The following ZNF704 variants were observed in gnomAD, a reference collection of about 807,000 sequenced individuals.
The protein encoded by ZNF704 is glucocorticoid induced gene 1.
In ZNF704, 10 loss-of-function variants were observed where a neutral mutation model predicts 44.7. The ratio of observed to expected loss-of-function variants is 0.22; its 90% confidence interval spans 0.14 to 0.38. The LOEUF (loss-of-function observed/expected upper bound fraction) is 0.38. Ranked by LOEUF, ZNF704 falls within the 10% of genes least tolerant of loss-of-function variation. The pLI is 1.00. For missense variants in ZNF704, 390 were observed against 545.5 expected (o/e 0.71, Z 2.84); for synonymous variants, 211 against 207.6 (o/e 1.02, Z -0.14).
chr8:80,687,041 C>G (rs543411541), intron 4 of ZNF704, among the ~76,000 whole-genome samples, 185 bp downstream of exon 4: 63 of 152,156 alleles, frequency 4.1e-4, no homozygotes, highest in Non-Finnish European at 8.7e-4. Flanking sequence ...CAGTATTTGT[C>G]ATTTTTAAAT....
intron 2 of ZNF704, among the ~76,000 whole-genome samples, chr8:80,806,082 C>T (rs1405158920): frequency 1.3e-5 from 2 of 152,154 alleles, no homozygotes; most frequent in East Asian, 3.9e-4. Flanking sequence ...ATCTCTTCTT[C>T]TCAAACAAGA....
chr8:80,880,157 C>G, the ZNF704 span, among the ~76,000 whole-genome samples: 1 of 152,204 alleles, frequency 6.6e-6, no homozygotes, highest in East Asian at 1.9e-4. Flanking sequence ...CCACAGGCAG[C>G]TCTGGCCACA....
intron 5 of ZNF704, among the ~76,000 whole-genome samples, chr8:80,669,421 C>G (rs922895285): frequency 2.0e-5 from 3 of 152,152 alleles, no homozygotes; most frequent in Non-Finnish European, 2.9e-5. Context: ...CAGGTCCTAT[C>G]TCCAGTGCTC....
At chr8:80,677,490 C>G (rs1440924802) in intron 4 of ZNF704, among the ~76,000 whole-genome samples, 1 of 152,208 alleles carries the variant, frequency 6.6e-6, no homozygotes, top group Admixed American at 6.5e-5. Flanking sequence ...TATCCTCTGT[C>G]AAGTCACTTG....
intron 1 of ZNF704, among the ~76,000 whole-genome samples, chr8:80,832,742 G>A (rs888098708): frequency 6.6e-6 from 1 of 151,800 alleles, no homozygotes; most frequent in Non-Finnish European, 1.5e-5. Context: ...CAAACAATAG[G>A]AGGCTAATAA....
At chr8:80,745,004 A>G (rs1367950363) in intron 2 of ZNF704, among the ~76,000 whole-genome samples, 1 of 152,230 alleles carries the variant, frequency 6.6e-6, no homozygotes, top group African/African-American at 2.4e-5. Context: ...TCTGTGGTCA[A>G]TAATTAAGAA....
At chr8:80,789,784 T>C (rs1045075927) in intron 2 of ZNF704, among the ~76,000 whole-genome samples, 1 of 148,404 alleles carries the variant, frequency 6.7e-6, no homozygotes, top group African/African-American at 2.6e-5. Flanking sequence ...AAATAACACA[T>C]GATTCAACTT....
chr8:80,718,241 G>A (rs1819101697), intron 2 of ZNF704, among the ~76,000 whole-genome samples: 1 of 152,022 alleles, frequency 6.6e-6, no homozygotes, highest in African/African-American at 2.4e-5. Context: ...TATCTCAAAT[G>A]CCATGTTCTC....
chr8:80,753,335 C>T (rs747893713), intron 2 of ZNF704, among the ~76,000 whole-genome samples: 13 of 152,116 alleles, frequency 8.5e-5, no homozygotes, highest in African/African-American at 1.2e-4. Context: ...AAGGAATATA[C>T]AGCACACACC....
chr8:80,844,379 T>C (rs1808732625), intron 1 of ZNF704, among the ~76,000 whole-genome samples: 1 of 152,150 alleles, frequency 6.6e-6, no homozygotes, highest in Non-Finnish European at 1.5e-5. Flanking sequence ...CCTCAGATGG[T>C]GGAAAGAGGG....
chr8:80,769,788 C>G (rs550816118), intron 2 of ZNF704, among the ~76,000 whole-genome samples: 2 of 152,142 alleles, frequency 1.3e-5, no homozygotes, highest in Admixed American at 6.6e-5. Flanking sequence ...GCCTGTTACC[C>G]GGGTCCAAAG....
intron 1 of ZNF704, among the ~76,000 whole-genome samples, chr8:80,852,007 A>G (rs1464261045): frequency 6.6e-6 from 1 of 152,192 alleles, no homozygotes; most frequent in Non-Finnish European, 1.5e-5. Flanking sequence ...TTAGCCATAC[A>G]AAGGGTGGAA....
chr8:80,768,119 G>A (rs2131727320), intron 2 of ZNF704, among the ~76,000 whole-genome samples: 1 of 152,260 alleles, frequency 6.6e-6, no homozygotes, highest in Non-Finnish European at 1.5e-5. Flanking sequence ...ATAGTGTGAG[G>A]AGAAAATACT....
At chr8:80,680,786 CTGAA>C (rs1420600220) in intron 4 of ZNF704, among the ~76,000 whole-genome samples, 1 of 152,058 alleles carries the variant, frequency 6.6e-6, no homozygotes, top group African/African-American at 2.4e-5. Context: ...GATGAGGGGA[CTGAA>C]TGAGAGTAGA....
At chr8:80,719,064 T>G (rs1164116686) in intron 2 of ZNF704, among the ~76,000 whole-genome samples, 1 of 152,080 alleles carries the variant, frequency 6.6e-6, no homozygotes, top group Non-Finnish European at 1.5e-5. Flanking sequence ...CCTCCCAGGC[T>G]CGATCAATTC....
At chr8:80,748,406 C>G (rs1218126889) in intron 2 of ZNF704, among the ~76,000 whole-genome samples, 1 of 152,162 alleles carries the variant, frequency 6.6e-6, no homozygotes, top group East Asian at 1.9e-4. Context: ...CAGTAGGAGG[C>G]AGCTACCTGG....
At chr8:80,775,018 T>C (rs1311957589) in intron 2 of ZNF704, among the ~76,000 whole-genome samples, 1 of 152,180 alleles carries the variant, frequency 6.6e-6, no homozygotes, top group Admixed American at 6.5e-5. Flanking sequence ...TTTTAATACA[T>C]AATGTCCAGA....
At chr8:80,645,198 C>G in intron 7 of ZNF704, 1 of 1,570,008 alleles carries the variant, frequency 6.4e-7, no homozygotes, top group Non-Finnish European at 8.6e-7. Flanking sequence ...TAGCCTTCAG[C>G]CCCGCGCCGC....
intron 1 of ZNF704, among the ~76,000 whole-genome samples, chr8:80,873,298 G>C (rs1254702476): frequency 6.6e-6 from 1 of 152,146 alleles, no homozygotes; most frequent in Non-Finnish European, 1.5e-5. Context: ...CAACAAACCC[G>C]ACACGGCCTT....
Sources: gnomAD v4.1 joint callset for allele counts (sites outside exome capture counted in the v4.1 genomes callset) on GRCh38, gnomAD v4.1.1 for gene constraint, MANE v1.5 for transcripts, NCBI Gene and HGNC (gene_info 2026-07-23, HGNC 2026-07-21) for gene names.